Variants in ABCG8 observed in about 807,000 individuals in gnomAD.
The protein encoded by ABCG8 is ATP-binding cassette sub-family G member 8.
In ABCG8, 81 loss-of-function variants were observed where a neutral mutation model predicts 71.3. The observed-to-expected ratio is 1.14, with a 90% confidence interval of 0.95 to 1.37. The LOEUF (loss-of-function observed/expected upper bound fraction) is 1.37. Ranked by LOEUF, ABCG8 falls within the 40% of genes most tolerant of loss-of-function variation. The pLI is 0.00. For missense variants in ABCG8, 1,119 were observed against 866.2 expected (o/e 1.29, Z -3.66); for synonymous variants, 451 against 354.7 (o/e 1.27, Z -3.05).
At chr2:43,865,380 C>A (rs1669491085) in intron 6 of ABCG8, among the ~76,000 whole-genome samples, 1 of 150,088 alleles carries the variant, frequency 6.7e-6, no homozygotes. Context: ...GGATAGAATT[C>A]TCACATCTGC....
chr2:43,867,969 C>T (rs1238951074), intron 6 of ABCG8, among the ~76,000 whole-genome samples: 1 of 152,058 alleles, frequency 6.6e-6, no homozygotes, highest in Non-Finnish European at 1.5e-5. Flanking sequence ...CTGGATAGAA[C>T]TCTCACTATC....
At chr2:43,860,949 T>A (rs539403889) in intron 6 of ABCG8, among the ~76,000 whole-genome samples, 47 of 151,144 alleles carry the variant, frequency 3.1e-4, no homozygotes, top group Admixed American at 3.1e-3. Context: ...TCACTATATA[T>A]CTGGATATAA....
At chr2:43,850,611 C>T (rs1668882675) in intron 3 of ABCG8, among the ~76,000 whole-genome samples, 1 of 152,308 alleles carries the variant, frequency 6.6e-6, no homozygotes, top group African/African-American at 2.4e-5. Context: ...CCATCCTCCA[C>T]CCTCAGTTAG....
intron 6 of ABCG8, among the ~76,000 whole-genome samples, chr2:43,857,384 A>G (rs919150070): frequency 2.0e-5 from 3 of 151,544 alleles, no homozygotes; most frequent in African/African-American, 7.3e-5. Context: ...TCTGGATAGA[A>G]CTCTCACTAT....
At chr2:43,856,752 A>G (rs1558819466) in intron 6 of ABCG8, among the ~76,000 whole-genome samples, 3 of 151,346 alleles carry the variant, frequency 2.0e-5, no homozygotes, top group Admixed American at 2.0e-4. Context: ...AAGTTTCACT[A>G]TCTGGATAGA....
At chr2:43,867,829 A>G (rs1197710141) in intron 6 of ABCG8, among the ~76,000 whole-genome samples, 1 of 150,892 alleles carries the variant, frequency 6.6e-6, no homozygotes, top group Non-Finnish European at 1.5e-5. Context: ...CTCACTCTCT[A>G]GATAGAATTC....
At chr2:43,849,021 T>TAAAAAAAAAAAAAAA (rs1193216137) in intron 3 of ABCG8, among the ~76,000 whole-genome samples, 2 of 54,702 alleles carry the variant, frequency 3.7e-5, no homozygotes, top group African/African-American at 7.8e-5. Flanking sequence ...AAACACTGTC[T>TAAAAAAAAAAAAAAA]AAAAAAAAAA....
At chr2:43,850,521 C>T (rs1422493753) in intron 3 of ABCG8, among the ~76,000 whole-genome samples, 3 of 152,268 alleles carry the variant, frequency 2.0e-5, no homozygotes, top group African/African-American at 4.8e-5. Flanking sequence ...ACTAGTGTCA[C>T]GGGGTTTTGT....
chr2:43,865,198 A>C (rs999646293), intron 6 of ABCG8, among the ~76,000 whole-genome samples: 1 of 144,796 alleles, frequency 6.9e-6, no homozygotes, highest in Non-Finnish European at 1.5e-5. Context: ...AGCTCTCACT[A>C]TCTAGATAGA....
intron 6 of ABCG8, among the ~76,000 whole-genome samples, chr2:43,865,651 C>T (rs1669504588): frequency 6.6e-6 from 1 of 151,784 alleles, no homozygotes; most frequent in Non-Finnish European, 1.5e-5. Flanking sequence ...ATAGAACTCT[C>T]ACTCTCTCTC....
intron 6 of ABCG8, among the ~76,000 whole-genome samples, chr2:43,863,368 G>T (rs565266379): frequency 6.6e-6 from 1 of 151,454 alleles, no homozygotes; most frequent in East Asian, 1.9e-4. Flanking sequence ...TATCTGCATA[G>T]AATTCTCACT....
intron 11 of ABCG8, 62 bp downstream of exon 11, chr2:43,875,475 T>G: frequency 6.4e-7 from 1 of 1,565,968 alleles, no homozygotes; most frequent in Non-Finnish European, 8.7e-7. Context: ...GGATGAAGCC[T>G]GCTTTCATCT....
Position 43,872,022 on chromosome 2 carries a change from C to A in ABCG8, c.1011C>A (p.Ala337=), listed in dbSNP as rs778401901. ...IDRRSREQEL[A]TREKAQSLAA... Reference sequence around the variant, plus strand: ...GGCGCAGCAGAGAGCAGGAATTGGCCACCAGGGAGAAGGCTCAGTCACTCG... The same window carrying A: ...GGCGCAGCAGAGAGCAGGAATTGGCAACCAGGGAGAAGGCTCAGTCACTCG... The change falls in exon 7 of 13, where the codon GCC becomes GCA. Residue 337 remains alanine, a synonymous_variant. Coordinates refer to ENST00000272286, the MANE Select transcript of ABCG8 (RefSeq NM_022437.3). 1.2e-6 allele frequency: 2 copies of A among 1,614,090 alleles called. No individual in the cohort carries two copies.
chr2:43,877,666 C>A lies in ABCG8; in HGVS notation c.1862C>A (p.Thr621Asn). ...TATAAAATGCCTCTCGGGAACCTCA[C>A]CATCGCGGTCTCAGGAGATAAAGTA... ...RTYKMPLGNL[T>N]IAVSGDKILS... The change falls in exon 12 of 13, where the codon ACC (threonine) becomes AAC (asparagine). Residue 621 changes from threonine (T) to asparagine (N), a missense_variant. Thr to Asn is a moderately conservative substitution (Grantham distance 65). Coordinates refer to ENST00000272286, the MANE Select transcript of ABCG8 (RefSeq NM_022437.3). 1 of 1,614,134 alleles carries A rather than the reference C, an allele frequency of 6.2e-7. No individual in the cohort carries two copies. Among genetic ancestry groups the A allele is most frequent in the South Asian group, 1.1e-5 (1 of 91,084 alleles).
At position 43,852,736 on chromosome 2, in the gene ABCG8, A is replaced by G; in HGVS notation, c.832A>G (p.Arg278Gly). Residue 278 changes from arginine (R) to glycine (G), a missense_variant, in exon 6 of 13, where the codon AGG becomes GGG. Coordinates refer to ENST00000272286, the MANE Select transcript of ABCG8 (RefSeq NM_022437.3). The stretch of plus-strand genomic sequence containing the variant: ...CCACCAGCCTCGCTCTGACATCTTC[A>G]GGCTGTTTGATCTGGTCCTCCTGAT... Reference protein sequence around the residue: ...SLHQPRSDIFRLFDLVLLMTS... With the variant: ...SLHQPRSDIFGLFDLVLLMTS... 1 of 1,614,150 alleles carries G rather than the reference A, an allele frequency of 6.2e-7. No individual in the cohort carries two copies. The highest frequency in any genetic ancestry group is 8.5e-7 in the Non-Finnish European group (1 of 1,180,032).
At chr2:43,864,414 T>TTCTCACCATCTGAATAGAAC (rs1181871326) in intron 6 of ABCG8, among the ~76,000 whole-genome samples, 1 of 151,498 alleles carries the variant, frequency 6.6e-6, no homozygotes, top group Non-Finnish European at 1.5e-5. Flanking sequence ...CTGGATAGAA[T>TTCTCACCATCTGAATAGAAC]TCTCACCATC....
chr2:43,873,743 G>T, intron 8 of ABCG8, 44 bp from the exon 9 acceptor site: 1 of 1,588,284 alleles, frequency 6.3e-7, no homozygotes, highest in Non-Finnish European at 8.6e-7. Context: ...TCACGGGGCT[G>T]GTGTATGCTG....
intron 4 of ABCG8, among the ~76,000 whole-genome samples, 156 bp from the exon 5 acceptor site, chr2:43,852,198 G>T (rs1344234040): frequency 1.3e-5 from 2 of 152,220 alleles, no homozygotes; most frequent in East Asian, 3.8e-4. Flanking sequence ...AGAATCAGGG[G>T]AACCAATGTT....
At chr2:43,843,884 G>C (rs1235808686) in intron 1 of ABCG8, among the ~76,000 whole-genome samples, 2 of 152,106 alleles carry the variant, frequency 1.3e-5, no homozygotes, top group Non-Finnish European at 1.5e-5. Context: ...TCCTCTCAAA[G>C]CTCCCAGCAG....
Sources: gnomAD v4.1 joint callset for allele counts (sites outside exome capture counted in the v4.1 genomes callset) on GRCh38, gnomAD v4.1.1 for gene constraint, MANE v1.5 for transcripts, NCBI Gene and HGNC (gene_info 2026-07-23, HGNC 2026-07-21) for gene names.